Variants in PLA2G4C observed in about 807,000 individuals in gnomAD.
PLA2G4C encodes the protein cytosolic phospholipase A2 gamma.
Under a neutral mutation model 73.8 loss-of-function variants are expected in PLA2G4C, and 64 were observed. That is an observed-to-expected ratio of 0.87 (90% CI 0.71 to 1.07). The LOEUF (loss-of-function observed/expected upper bound fraction) is 1.07. PLA2G4C is among the 50% of genes least tolerant of loss of function. The pLI is 0.00. For synonymous variants in PLA2G4C, 254 were observed against 252.1 expected (o/e 1.01, Z -0.07); for missense variants, 622 against 665.4 (o/e 0.93, Z 0.72).
At chr19:48,083,392 C>CTTTTTT in intron 10 of PLA2G4C, among the ~76,000 whole-genome samples, 1 of 105,838 alleles carries the variant, frequency 9.4e-6, no homozygotes. Context: ...ATTTTCTTTT[C>CTTTTTT]TTTTTTTTTT....
At chr19:48,090,273 T>C in intron 8 of PLA2G4C, 91 bp downstream of exon 8, 1 of 905,952 alleles carries the variant, frequency 1.1e-6, no homozygotes, top group Non-Finnish European at 1.8e-6. Flanking sequence ...TACACACAGG[T>C]CTCTCTTCTG....
At chr19:48,080,667 G>C (rs538111373) in intron 10 of PLA2G4C, among the ~76,000 whole-genome samples, 2 of 152,072 alleles carry the variant, frequency 1.3e-5, no homozygotes, top group South Asian at 2.1e-4. Flanking sequence ...AAATTAGCTG[G>C]ATGCGGTGGT....
intron 4 of PLA2G4C, among the ~76,000 whole-genome samples, chr19:48,101,124 A>AT (rs1264472851): frequency 5.2e-4 from 31 of 59,448 alleles, no homozygotes; most frequent in African/African-American, 2.8e-3. Context: ...ATATATATAT[A>AT]TATTTTTTTT....
chr19:48,086,363 A>G (rs1303261054), intron 9 of PLA2G4C, among the ~76,000 whole-genome samples: 1 of 151,896 alleles, frequency 6.6e-6, no homozygotes, highest in Non-Finnish European at 1.5e-5. Flanking sequence ...CCCTACACAA[A>G]CTCTTCTGTG....
At chr19:48,071,929 C>CTT (rs1968675517) in intron 12 of PLA2G4C, among the ~76,000 whole-genome samples, 1 of 151,766 alleles carries the variant, frequency 6.6e-6, no homozygotes, top group African/African-American at 2.4e-5. Flanking sequence ...GGGCGGATCA[C>CTT]AAGGTCAGGA....
intron 16 of PLA2G4C, chr19:48,052,407 G>C (rs1238714942): frequency 6.6e-6 from 1 of 152,316 alleles, no homozygotes; most frequent in Non-Finnish European, 1.5e-5. Flanking sequence ...TTGTTTGAAA[G>C]TGTGTAGCAC....
chr19:48,109,681 G>C (rs920245623), intron 1 of PLA2G4C, among the ~76,000 whole-genome samples: 1 of 151,908 alleles, frequency 6.6e-6, no homozygotes, highest in African/African-American at 2.4e-5. Flanking sequence ...ATGGAGTCTC[G>C]CTTTGTGCCC....
intron 14 of PLA2G4C, among the ~76,000 whole-genome samples, chr19:48,056,445 G>A (rs950477066): frequency 2.0e-5 from 3 of 152,164 alleles, no homozygotes; most frequent in Admixed American, 6.5e-5. Flanking sequence ...CTACTTGGGA[G>A]GCTGAGACAG....
At position 48,097,238 on chromosome 19, in the gene PLA2G4C, TTTTTTC is replaced by T. The variant is rs1412931198; in HGVS notation, c.568+895_568+900del. Reference sequence around the variant, plus strand: ...CATCCCTTATTACAGTTTTCTTTACTTTTTTCTTTTTTCTTTTTTTTTTTTTTTTTT... The same window carrying T: ...CATCCCTTATTACAGTTTTCTTTACTTTTTTTCTTTTTTTTTTTTTTTTTT... On this transcript the variant is annotated intron_variant, in intron 6 of 16. Transcript: ENST00000599921. 55 of 99,582 alleles carry T rather than the reference TTTTTTC, an allele frequency of 5.5e-4. 1 individual carries two copies. Among genetic ancestry groups the T allele is most frequent in the African/African-American group, 3.0e-3 (53 of 17,608 alleles). 6.2% of individuals were successfully genotyped at this position (99,582 alleles called of 1,614,324 possible).
At chr19:48,089,841 G>A (rs1369890719) in intron 8 of PLA2G4C, among the ~76,000 whole-genome samples, 1 of 152,146 alleles carries the variant, frequency 6.6e-6, no homozygotes, top group Admixed American at 6.6e-5. Flanking sequence ...CCCCGCGTCT[G>A]CACTCACTGA....
At chr19:48,063,477 T>C (rs1422887341) in intron 13 of PLA2G4C, among the ~76,000 whole-genome samples, 1 of 152,060 alleles carries the variant, frequency 6.6e-6, no homozygotes, top group Non-Finnish European at 1.5e-5. Context: ...CTTTTCCCTT[T>C]AACTTGGTGA....
chr19:48,085,279 G>A (rs776123252), intron 9 of PLA2G4C, among the ~76,000 whole-genome samples, 167 bp from the exon 10 acceptor site: 10 of 152,110 alleles, frequency 6.6e-5, no homozygotes, highest in South Asian at 2.1e-4. Context: ...GTGGGCACCC[G>A]GCACTCTTCT....
intron 3 of PLA2G4C, among the ~76,000 whole-genome samples, chr19:48,105,082 C>CAAAAAAAAAA (rs3083068): frequency 8.0e-5 from 7 of 87,568 alleles, no homozygotes; most frequent in Admixed American, 1.4e-4. Flanking sequence ...GACGTTGTCT[C>CAAAAAAAAAA]AAAAAAAAAA....
At chr19:48,097,251 C>CTTCTTTTTTTTTTTTTTTTTTTTT (rs1340148092) in intron 6 of PLA2G4C, 1 of 86,576 alleles carries the variant, frequency 1.2e-5, no homozygotes, top group African/African-American at 4.8e-5. Flanking sequence ...TTTCTTTTTT[C>CTTCTTTTTTTTTTTTTTTTTTTTT]TTTTTTTTTT....
intron 6 of PLA2G4C, 132 bp downstream of exon 6, chr19:48,098,007 C>G: frequency 2.1e-6 from 2 of 959,428 alleles, no homozygotes; most frequent in Non-Finnish European, 3.1e-6. Context: ...AGCTGAGCAC[C>G]CTGTTTTCTG....
chr19:48,057,583 A>G (rs527283086), intron 14 of PLA2G4C, among the ~76,000 whole-genome samples: 9 of 139,182 alleles, frequency 6.5e-5, no homozygotes, highest in African/African-American at 2.4e-4. Context: ...TCCGCCTCCC[A>G]GATTCAAGCG....
At position 48,090,644 on chromosome 19, in the gene PLA2G4C, C is replaced by T. The variant is rs770877999; in HGVS notation, c.710-227G>A. 2.6e-4 allele frequency: 138 copies of T among 529,776 alleles called. 1 individual carries two copies. The highest frequency in any genetic ancestry group is 4.1e-4 in the Non-Finnish European group (122 of 295,114). The allele number at this position is 529,776 out of a possible 1,614,324, so 32.8% of individuals were successfully genotyped here. A position where few individuals can be genotyped will look rare whatever the true frequency, so the allele number is the denominator to read the frequency against. ...AAGACAGATAAAGTCCTTGTCCTCA[C>T]GAACCTTCTATGGGTGGAGCCAGCC... On this transcript the variant is annotated intron_variant, in intron 7 of 16. Coordinates refer to ENST00000599921, the MANE Select transcript of PLA2G4C (RefSeq NM_003706.3).
Position 48,061,116 on chromosome 19 carries a change from T to G in PLA2G4C, c.1257+882A>C, listed in dbSNP as rs546314491. Among the ~76,000 whole-genome samples, 30 of 152,136 alleles carry G rather than the reference T, an allele frequency of 2.0e-4. 1 individual carries two copies. The highest frequency in any genetic ancestry group is 7.0e-4 in the African/African-American group (29 of 41,510). Reference sequence around the variant, plus strand: ...CAGCCTGGGCAACATAGCAAGACCCTGTCTCTAAAACAATTTAGAAAACTA... The same window carrying G: ...CAGCCTGGGCAACATAGCAAGACCCGGTCTCTAAAACAATTTAGAAAACTA... On this transcript the variant is annotated intron_variant, in intron 14 of 16. Coordinates refer to ENST00000599921, the MANE Select transcript of PLA2G4C (RefSeq NM_003706.3).
chr19:48,106,489 T>A, intron 2 of PLA2G4C, 33 bp downstream of exon 2: 1 of 1,541,388 alleles, frequency 6.5e-7, no homozygotes, highest in Non-Finnish European at 9.0e-7. Context: ...AATGCTCTGC[T>A]TCCCCATAGT....
Sources: gnomAD v4.1 joint callset for allele counts (sites outside exome capture counted in the v4.1 genomes callset) on GRCh38, gnomAD v4.1.1 for gene constraint, MANE v1.5 for transcripts, NCBI Gene and HGNC (gene_info 2026-07-23, HGNC 2026-07-21) for gene names.